U2AF2: variants seen among roughly 807,000 people sequenced by gnomAD.
The protein encoded by U2AF2 is U2 small nuclear RNA auxiliary factor 2.
Under a neutral mutation model 52.6 loss-of-function variants are expected in U2AF2, and 6 were observed. That is an observed-to-expected ratio of 0.11 (90% CI 0.06 to 0.23). The LOEUF (loss-of-function observed/expected upper bound fraction) is 0.23, where lower values mean the gene tolerates loss of function less well. Among genes scored for constraint, U2AF2 ranks in the 10% least tolerant of loss-of-function variants. U2AF2 has a pLI of 1.00. For missense variants in U2AF2, 222 were observed against 677.1 expected, an observed-to-expected ratio of 0.33 and a Z score of 7.46; for synonymous variants, 284 against 258.2, an observed-to-expected ratio of 1.10 and a Z score of -0.96.
rs781058761 is a variant in U2AF2 at position 55,660,201 on chromosome 19, A to G, written c.210A>G (p.Lys70=). 6.2e-7 allele frequency: 1 copy of G among 1,611,226 alleles called. No individual in the cohort carries two copies. The highest frequency in any genetic ancestry group is 1.1e-5 in the South Asian group (1 of 90,778). The part of the protein sequence containing the change: ...RRSKPLTRGA[K]EEHGGLIRSP... ...GCAAACCTTTGACCAGAGGCGCTAA[A>G]GAGGAGCACGGTGGACTGATGTGAG... Residue 70 remains lysine (K), a synonymous_variant, in exon 3 of 12, where the codon AAA becomes AAG. Coordinates refer to ENST00000308924, the MANE Select transcript of U2AF2 (RefSeq NM_007279.3).
At position 55,668,753 on chromosome 19, in the gene U2AF2, C is replaced by T. The variant is rs752141516; in HGVS notation, c.906C>T (p.Tyr302=). The T allele has an allele frequency of 2.6e-5, 42 of 1,613,690 alleles. No individual in the cohort carries two copies. Among genetic ancestry groups the T allele is most frequent in the East Asian group, 1.6e-4 (7 of 44,848 alleles). Reference sequence around the variant, plus strand: ...GTGCCACGGGGCTCTCCAAGGGCTACGCCTTCTGTGAGTACGTGGACATCA... The same window carrying T: ...GTGCCACGGGGCTCTCCAAGGGCTATGCCTTCTGTGAGTACGTGGACATCA... ...KDSATGLSKG[Y]AFCEYVDINV... is the part of the protein sequence containing the mutation. Residue 302 remains tyrosine (Y), a synonymous_variant, in exon 9 of 12, where the codon TAC becomes TAT. Transcript: ENST00000308924. The surrounding 1 kb of genome is among the most constrained non-coding windows in gnomAD (Gnocchi z 5.5).
chr19:55,662,477 C>T (rs747917594), intron 5 of U2AF2, 25 bp from the exon 6 acceptor site: 24 of 1,402,530 alleles, frequency 1.7e-5, no homozygotes, highest in East Asian at 1.2e-4. Flanking sequence ...CCCGCCCCCC[C>T]CCTTGTCTCC....
intron 1 of U2AF2, among the ~76,000 whole-genome samples, chr19:55,656,913 A>C (rs1983830963): frequency 6.6e-6 from 1 of 152,242 alleles, no homozygotes; most frequent in Non-Finnish European, 1.5e-5. Context: ...AAAGGGCAGG[A>C]AAAGGTGCTT....
chr19:55,670,336 C>G (rs1198042768), intron 11 of U2AF2, among the ~76,000 whole-genome samples: 1 of 151,998 alleles, frequency 6.6e-6, no homozygotes, highest in East Asian at 1.9e-4. Flanking sequence ...GTGACCTGCT[C>G]TTTGATCCCC....
At chr19:55,664,254 G>A (rs1022198873) in intron 7 of U2AF2, among the ~76,000 whole-genome samples, 5 of 152,250 alleles carry the variant, frequency 3.3e-5, no homozygotes, top group African/African-American at 9.6e-5. Context: ...TAACATAGCA[G>A]ACCAGGGGTT....
intron 7 of U2AF2, among the ~76,000 whole-genome samples, chr19:55,667,848 T>C (rs973632494): frequency 2.7e-5 from 4 of 149,704 alleles, no homozygotes; most frequent in Non-Finnish European, 5.9e-5. Context: ...TGCAGTGGAG[T>C]GATCTCGGCT....
chr19:55,659,125 G>C, intron 1 of U2AF2, 85 bp from the exon 2 acceptor site: 3 of 1,409,142 alleles, frequency 2.1e-6, no homozygotes, highest in Non-Finnish European at 2.8e-6. Flanking sequence ...CCTGGGGCTT[G>C]GGACATAGCC....
In U2AF2 at chr19:55,669,740, T is replaced by A. The variant is rs1299019995; in HGVS notation, c.1293+48T>A. Reference sequence around the variant, plus strand: ...GCTCTCTCACCCTCTGCCCCTCCTCTTCTCCGCGCCCTCTTTCTTCCTCTC... The same window carrying A: ...GCTCTCTCACCCTCTGCCCCTCCTCATCTCCGCGCCCTCTTTCTTCCTCTC... On this transcript the variant is annotated intron_variant, in intron 11 of 11. Transcript: ENST00000308924. 4 of 1,531,632 alleles carry A rather than the reference T, an allele frequency of 2.6e-6. 1 individual carries two copies. In the Admixed American group the frequency reaches 8.0e-5, roughly 31 times the overall value. 94.9% of individuals were successfully genotyped at this position (1,531,632 alleles called of 1,614,324 possible). A position where few individuals can be genotyped will look rare whatever the true frequency, so the allele number is the denominator to read the frequency against.
At position 55,669,335 on chromosome 19, in the gene U2AF2, G is replaced by A. The variant is rs1984736227; in HGVS notation, c.1045-109G>A. On this transcript the variant is annotated intron_variant, in intron 10 of 11. Transcript: ENST00000308924. Reference sequence around the variant, plus strand: ...GGGAGTCGGGCTTTAGGTGTTGGAAGTGGAGAGATGGCCTTTCCCCTGGGG... The same window carrying A: ...GGGAGTCGGGCTTTAGGTGTTGGAAATGGAGAGATGGCCTTTCCCCTGGGG... 3.2e-6 allele frequency: 5 copies of A among 1,543,624 alleles called. No individual in the cohort carries two copies. In the East Asian group the frequency reaches 9.0e-5, roughly 28 times the overall value.
chr19:55,670,851 C>T (rs981988222), intron 11 of U2AF2: 5 of 158,100 alleles, frequency 3.2e-5, no homozygotes, highest in African/African-American at 1.2e-4. Context: ...ACAGCAGGTA[C>T]TTCCCCTGGC....
rs1171263933 is a variant in U2AF2, at chr19:55,669,677, G to T, written c.1278G>T (p.Val426=). 6.2e-7 allele frequency: 1 copy of T among 1,607,370 alleles called. No homozygotes were observed. Among genetic ancestry groups the T allele is most frequent in the Non-Finnish European group, 8.5e-7 (1 of 1,176,780 alleles). ...CCCGGCCTGTGGACGGCGTCGAGGT[G>T]CCCGGCTGCGGAAAGGTCAGGAGGC... The part of the protein sequence containing the change: ...EIPRPVDGVE[V]PGCGKIFVEF... Residue 426 remains valine (V), a synonymous_variant, in exon 11 of 12, where the codon GTG becomes GTT. Coordinates refer to ENST00000308924, the MANE Select transcript of U2AF2 (RefSeq NM_007279.3).
chr19:55,663,144 AT>A (rs1984325097), intron 6 of U2AF2, among the ~76,000 whole-genome samples: 1 of 151,752 alleles, frequency 6.6e-6, no homozygotes, highest in African/African-American at 2.4e-5. Context: ...TACTGCAGAG[AT>A]TTCTGAGCAC....
At chr19:55,663,979 T>A (rs528549136) in intron 7 of U2AF2, 3 of 547,734 alleles carry the variant, frequency 5.5e-6, no homozygotes, top group Non-Finnish European at 9.4e-6. Context: ...AGCTTGTACG[T>A]GGCAGAGCCA....
chr19:55,660,981 G>T lies in U2AF2; in HGVS notation c.335-57G>T. The T allele has an allele frequency of 2.6e-6, 4 of 1,526,018 alleles. No individual in the cohort carries two copies. In the South Asian group the frequency reaches 3.8e-5, roughly 14 times the overall value. 94.5% of individuals were successfully genotyped at this position (1,526,018 alleles called of 1,614,324 possible). On this transcript the variant is annotated intron_variant, in intron 4 of 11. Coordinates refer to ENST00000308924, the MANE Select transcript of U2AF2 (RefSeq NM_007279.3). Reference sequence around the variant, plus strand: ...GGGGAACTCCCAGTGTGTGGTGAGGGGTGGTCACTGAGCATTCCCCTGATG... The same window carrying T: ...GGGGAACTCCCAGTGTGTGGTGAGGTGTGGTCACTGAGCATTCCCCTGATG...
intron 5 of U2AF2, 111 bp downstream of exon 5, chr19:55,661,300 A>C: frequency 3.3e-6 from 4 of 1,194,120 alleles, no homozygotes; most frequent in East Asian, 3.1e-5. Context: ...CTCCTGCAAG[A>C]CCCCCCGGCC....
Position 55,668,966 on chromosome 19 carries a change from C to G in U2AF2, c.946-117C>G. On this transcript the variant is annotated intron_variant, in intron 9 of 11. Transcript: ENST00000308924. The surrounding 1 kb of genome is among the most constrained non-coding windows in gnomAD (Gnocchi z 5.5). ...CGTTGGCTTTTTCCAGGCTCTTAAT[C>G]CCCTTTGCCTTCCCCTCTTCCCCCA... 1 of 1,477,114 alleles carries G rather than the reference C, an allele frequency of 6.8e-7. No homozygotes were observed. The highest frequency in any genetic ancestry group is 9.1e-7 in the Non-Finnish European group (1 of 1,094,258). The allele number at this position is 1,477,114 out of a possible 1,614,324, so 91.5% of individuals were successfully genotyped here.
intron 1 of U2AF2, among the ~76,000 whole-genome samples, chr19:55,655,504 TTA>T (rs1286162362): frequency 6.6e-6 from 1 of 152,244 alleles, no homozygotes; most frequent in Non-Finnish European, 1.5e-5. Flanking sequence ...GAAAAGGAGA[TTA>T]TGTTAGTCCC....
At chr19:55,666,338 G>A (rs1984548773) in intron 7 of U2AF2, among the ~76,000 whole-genome samples, 1 of 152,252 alleles carries the variant, frequency 6.6e-6, no homozygotes, top group Non-Finnish European at 1.5e-5. Context: ...CGCTGCAGAG[G>A]TATGGGGCCC....
At chr19:55,665,016 C>T (rs1029517180) in intron 7 of U2AF2, among the ~76,000 whole-genome samples, 1 of 152,154 alleles carries the variant, frequency 6.6e-6, no homozygotes, top group South Asian at 2.1e-4. Context: ...CTGCGCTCAG[C>T]CCAGTGCTTT....
Sources: gnomAD v4.1 joint callset for allele counts (sites outside exome capture counted in the v4.1 genomes callset) on GRCh38, gnomAD v4.1.1 for gene constraint, Gnocchi (gnomAD v3.1) non-coding constraint, MANE v1.5 for transcripts, NCBI Gene and HGNC (gene_info 2026-07-23, HGNC 2026-07-21) for gene names.